The following RASGEF1C variants were observed in gnomAD, a reference collection of about 807,000 sequenced individuals.
RASGEF1C encodes ras-GEF domain-containing family member 1C.
RASGEF1C carries 27 observed loss-of-function variants against 58.1 expected under a neutral mutation model. The ratio of observed to expected loss-of-function variants is 0.46; its 90% CI spans 0.34 to 0.64. The LOEUF is 0.64. Among genes scored for constraint, RASGEF1C ranks in the 30% least tolerant of loss-of-function variants. The pLI is 0.01. For synonymous variants in RASGEF1C, 243 were observed against 246.3 expected (o/e 0.99, Z 0.13); for missense variants, 502 against 605.1 (o/e 0.83, Z 1.79).
At position 180,137,438 on chromosome 5, in the gene RASGEF1C, G is replaced by C; in HGVS notation, c.300+152C>G. ...TAAAGGTCCTGTTCTGCTCCTTCTG[G>C]CTCTGGGCCTCAGACAAGGTGGAAA... On this transcript the variant is annotated intron_variant, in intron 3 of 13. Coordinates refer to ENST00000361132, the MANE Select transcript of RASGEF1C (RefSeq NM_175062.4). The surrounding 1 kb of genome is among the most constrained non-coding windows in gnomAD (Gnocchi z 4.1). 1 of 1,052,612 alleles carries C rather than the reference G, an allele frequency of 9.5e-7. No individual in the cohort carries two copies. Among genetic ancestry groups the C allele is most frequent in the Non-Finnish European group, 1.4e-6 (1 of 719,826 alleles). The allele number at this position is 1,052,612 out of a possible 1,614,324, so 65.2% of individuals were successfully genotyped here. A position where few individuals can be genotyped will look rare whatever the true frequency, so the allele number is the denominator to read the frequency against.
At chr5:180,152,266 A>T (rs1766763579) in intron 1 of RASGEF1C, among the ~76,000 whole-genome samples, 1 of 152,202 alleles carries the variant, frequency 6.6e-6, no homozygotes, top group Non-Finnish European at 1.5e-5. Context: ...AGATACACAT[A>T]TGTTTATTGC....
intron 11 of RASGEF1C, among the ~76,000 whole-genome samples, chr5:180,113,551 T>C (rs1245372359): frequency 3.2e-4 from 12 of 37,812 alleles, no homozygotes; most frequent in East Asian, 2.9e-3. Flanking sequence ...GACGGAGGGA[T>C]CCGGGATGGA....
At position 180,143,547 on chromosome 5, in the gene RASGEF1C, C is replaced by G. The variant is rs183211899; in HGVS notation, c.-6-5489G>C. Among the ~76,000 whole-genome samples the G allele has an allele frequency of 4.9e-4, 75 of 152,334 alleles. No individual in the cohort carries two copies. In the East Asian group the frequency reaches 0.012, roughly 24 times the overall value. ...CTGGCAGAAGGTGGGCCGGCTGTAC[C>G]AGTGAAAACCCACAAGCTCTGCTGT... On this transcript the variant is annotated intron_variant, in intron 1 of 13. Transcript: ENST00000361132. This position sits in a 1 kb window ranked among gnomAD's most constrained non-coding sequence, Gnocchi z 4.3.
chr5:180,170,642 G>A (rs528829682), intron 1 of RASGEF1C, among the ~76,000 whole-genome samples: 26 of 152,212 alleles, frequency 1.7e-4, no homozygotes, highest in Middle Eastern at 3.4e-3. Flanking sequence ...CGAACCTTCC[G>A]GAGGTCCCTG....
At chr5:180,180,650 C>T (rs1315623359) in intron 1 of RASGEF1C, among the ~76,000 whole-genome samples, 2 of 152,264 alleles carry the variant, frequency 1.3e-5, no homozygotes, top group African/African-American at 4.8e-5. Flanking sequence ...AAGGAACGGC[C>T]AAACCCATTG....
Position 180,180,491 on chromosome 5 carries a change from CAT to C in RASGEF1C, c.-7+28535_-7+28536del, listed in dbSNP as rs545362374. ...CAGTACTTAACAATTTGCAGTCTGA[CAT>C]GTGTGTACCTCACTTCACAGTTTGC... On this transcript the variant is annotated intron_variant, in intron 1 of 13. Coordinates refer to ENST00000361132, the MANE Select transcript of RASGEF1C (RefSeq NM_175062.4). Among the ~76,000 whole-genome samples the C allele has an allele frequency of 8.5e-5, 13 of 152,348 alleles. No homozygotes were observed. The South Asian group carries it at 2.7e-3, about 32-fold the overall frequency.
At chr5:180,195,752 G>A (rs368927459) in intron 1 of RASGEF1C, among the ~76,000 whole-genome samples, 22 of 151,038 alleles carry the variant, frequency 1.5e-4, no homozygotes, top group Middle Eastern at 3.4e-3. Flanking sequence ...GCGACAGAGC[G>A]AGACTCCGTC....
intron 12 of RASGEF1C, among the ~76,000 whole-genome samples, chr5:180,103,138 C>A (rs561997842): frequency 3.2e-4 from 49 of 152,242 alleles, no homozygotes; most frequent in African/African-American, 1.2e-3. Context: ...AGTGCAGTGG[C>A]GCGATCTCGG....
intron 1 of RASGEF1C, among the ~76,000 whole-genome samples, chr5:180,186,647 A>C (rs1756047578): frequency 6.6e-6 from 1 of 152,240 alleles, no homozygotes; most frequent in African/African-American, 2.4e-5. Flanking sequence ...GCAAAATTCC[A>C]ACAGCCTTTT....
At chr5:180,182,204 CAAAAAAAAAAA>C (rs1156831010) in intron 1 of RASGEF1C, among the ~76,000 whole-genome samples, 2 of 22,758 alleles carry the variant, frequency 8.8e-5, no homozygotes, top group Non-Finnish European at 1.6e-4. Context: ...GACTCCGTCT[CAAAAAAAAAAA>C]AAAAAAAAAA....
rs953909724 is a variant in RASGEF1C, at chr5:180,156,720, C to T, written c.-6-18662G>A. 1.1e-4 allele frequency among the ~76,000 whole-genome samples: 16 copies of T among 151,496 alleles called. No individual in the cohort carries two copies. The highest frequency in any genetic ancestry group is 4.6e-4 in the Admixed American group (7 of 15,192). ...CCAGGAAGTTGAGGCTGCAGTAAGC[C>T]GAGATCGTACCACTGCACTCCAGCC... On this transcript the variant is annotated intron_variant, in intron 1 of 13. Coordinates refer to ENST00000361132, the MANE Select transcript of RASGEF1C (RefSeq NM_175062.4). This position sits in a 1 kb window ranked among gnomAD's most constrained non-coding sequence, Gnocchi z 4.9.
chr5:180,106,459 C>G (rs920619526), intron 12 of RASGEF1C, among the ~76,000 whole-genome samples: 1 of 152,098 alleles, frequency 6.6e-6, no homozygotes, highest in African/African-American at 2.4e-5. Flanking sequence ...TTTAGCTGTC[C>G]TACAAATTTG....
Position 180,179,566 on chromosome 5 carries a change from A to T in RASGEF1C, c.-7+29462T>A, listed in dbSNP as rs1767288339. On this transcript the variant is annotated intron_variant, in intron 1 of 13. Coordinates refer to ENST00000361132, the MANE Select transcript of RASGEF1C (RefSeq NM_175062.4). ...AGCAATTACCCTAAGGAGCTAACCC[A>T]GCAAGAAAGCAGTGATCAATACAGC... Among the ~76,000 whole-genome samples, 7 of 152,320 alleles carry T rather than the reference A, an allele frequency of 4.6e-5. No individual in the cohort carries two copies. In the South Asian group the frequency reaches 1.4e-3, roughly 32 times the overall value.
intron 6 of RASGEF1C, among the ~76,000 whole-genome samples, chr5:180,126,023 G>A (rs1378593845): frequency 6.6e-6 from 1 of 152,134 alleles, no homozygotes; most frequent in Non-Finnish European, 1.5e-5. Context: ...ATCTACAGTA[G>A]GGGGATAAAA....
chr5:180,102,949 T>C (rs1765814207), intron 12 of RASGEF1C, among the ~76,000 whole-genome samples: 1 of 152,240 alleles, frequency 6.6e-6, no homozygotes, highest in African/African-American at 2.4e-5. Context: ...TTGCTGGGAT[T>C]TGGGTAGGAA....
intron 1 of RASGEF1C, among the ~76,000 whole-genome samples, chr5:180,166,456 C>T (rs1353188835): frequency 6.6e-6 from 1 of 151,796 alleles, no homozygotes; most frequent in African/African-American, 2.4e-5. Flanking sequence ...GCAACACACC[C>T]TCTTAGCTTC....
chr5:180,139,910 A>G (rs976476541), intron 1 of RASGEF1C, among the ~76,000 whole-genome samples: 10 of 152,298 alleles, frequency 6.6e-5, no homozygotes, highest in African/African-American at 2.4e-4. Flanking sequence ...TTCACCCTGC[A>G]ACGCTGGGCC....
At chr5:180,107,779 T>A (rs1360045957) in intron 12 of RASGEF1C, among the ~76,000 whole-genome samples, 2 of 152,056 alleles carry the variant, frequency 1.3e-5, no homozygotes, top group Admixed American at 1.3e-4. Flanking sequence ...TGGCTAAATT[T>A]TGTATTTGTA....
intron 10 of RASGEF1C, 108 bp from the exon 11 acceptor site, chr5:180,114,649 G>A (rs1045549191): frequency 2.7e-5 from 28 of 1,037,202 alleles, no homozygotes; most frequent in African/African-American, 4.8e-5. Flanking sequence ...CCTCAGACCC[G>A]ACCCCAGGGT....
Sources: gnomAD v4.1 joint callset for allele counts (sites outside exome capture counted in the v4.1 genomes callset) on GRCh38, gnomAD v4.1.1 for gene constraint, Gnocchi (gnomAD v3.1) non-coding constraint, MANE v1.5 for transcripts, NCBI Gene and HGNC (gene_info 2026-07-23, HGNC 2026-07-21) for gene names.